The following ARHGAP10 variants were observed in gnomAD, a reference collection of about 807,000 sequenced individuals.
The protein encoded by ARHGAP10 is rho GTPase-activating protein 10.
Under a neutral mutation model 108.6 loss-of-function variants are expected in ARHGAP10, and 87 were observed. The ratio of observed to expected loss-of-function variants is 0.80; its 90% CI spans 0.67 to 0.96. The LOEUF (loss-of-function observed/expected upper bound fraction) is 0.96. ARHGAP10 is among the 40% of genes least tolerant of loss of function. ARHGAP10 has a pLI of 0.00. For missense variants in ARHGAP10, 939 were observed against 954.5 expected (o/e 0.98, Z 0.21); for synonymous variants, 347 against 341.1 (o/e 1.02, Z -0.19).
intron 19 of ARHGAP10, among the ~76,000 whole-genome samples, chr4:148,045,839 G>T (rs1250325833): frequency 6.6e-6 from 1 of 151,596 alleles, no homozygotes; most frequent in Non-Finnish European, 1.5e-5. Flanking sequence ...TTGTTTCTAG[G>T]ACCTGGGAGT....
chr4:147,769,801 C>T (rs1012726992), intron 1 of ARHGAP10, among the ~76,000 whole-genome samples: 19 of 152,132 alleles, frequency 1.2e-4, no homozygotes, highest in Non-Finnish European at 2.6e-4. Context: ...CCTGTTTTCT[C>T]CTGTACCCTG....
At chr4:147,828,925 TG>T (rs1732832798) in intron 3 of ARHGAP10, among the ~76,000 whole-genome samples, 1 of 151,490 alleles carries the variant, frequency 6.6e-6, no homozygotes, top group African/African-American at 2.4e-5. Context: ...TTGCCCAGGC[TG>T]GAGTACAGTG....
chr4:147,783,012 A>G (rs1358380285), intron 1 of ARHGAP10, among the ~76,000 whole-genome samples: 1 of 139,554 alleles, frequency 7.2e-6, no homozygotes, highest in East Asian at 2.0e-4. Flanking sequence ...TAAATTATAT[A>G]CTATATGTTA....
At chr4:147,974,285 T>G (rs898931056) in intron 18 of ARHGAP10, among the ~76,000 whole-genome samples, 19 of 152,158 alleles carry the variant, frequency 1.2e-4, no homozygotes, top group Non-Finnish European at 1.9e-4. Context: ...ATTAGTGGTG[T>G]TGTGAACATT....
At chr4:147,923,231 C>A (rs1480044537) in intron 13 of ARHGAP10, among the ~76,000 whole-genome samples, 1 of 152,122 alleles carries the variant, frequency 6.6e-6, no homozygotes, top group Non-Finnish European at 1.5e-5. Flanking sequence ...AAAAGTACAT[C>A]ATGTTATGTG....
chr4:147,785,922 A>G (rs1579045042), intron 1 of ARHGAP10, among the ~76,000 whole-genome samples: 1 of 152,256 alleles, frequency 6.6e-6, no homozygotes, highest in Admixed American at 6.5e-5. Context: ...CACCAAATAC[A>G]TTTTTCAAGT....
chr4:147,993,676 C>T (rs1243561350), intron 18 of ARHGAP10, among the ~76,000 whole-genome samples: 1 of 152,196 alleles, frequency 6.6e-6, no homozygotes, highest in Non-Finnish European at 1.5e-5. Context: ...CAGGTTAACA[C>T]CATTTCTGCA....
chr4:147,778,450 A>T (rs1730396670), intron 1 of ARHGAP10, among the ~76,000 whole-genome samples: 1 of 152,144 alleles, frequency 6.6e-6, no homozygotes, highest in African/African-American at 2.4e-5. Context: ...CTGCCTGCCA[A>T]GGGCACAGAG....
At chr4:147,862,975 A>G (rs2126841582) in intron 5 of ARHGAP10, 1 of 152,330 alleles carries the variant, frequency 6.6e-6, no homozygotes, top group South Asian at 2.1e-4. Flanking sequence ...TTCTCATTTT[A>G]GCTTAGTAAT....
Position 147,741,667 on chromosome 4 carries a change from G to T in ARHGAP10, c.154+9212G>T, listed in dbSNP as rs551969362. Among the ~76,000 whole-genome samples the T allele has an allele frequency of 1.1e-4, 17 of 151,928 alleles. No individual in the cohort carries two copies. The East Asian group carries it at 2.9e-3, about 26-fold the overall frequency. ...AGGGGGATGCTTTTGTATTGAGAAG[G>T]CCTTGATATTGTTCTCTTTATAAAC... On this transcript the variant is annotated intron_variant, in intron 1 of 22. Transcript: ENST00000336498.
intron 4 of ARHGAP10, among the ~76,000 whole-genome samples, chr4:147,855,712 G>A (rs1361164757): frequency 7.3e-6 from 1 of 137,708 alleles, no homozygotes; most frequent in African/African-American, 2.8e-5. Flanking sequence ...TTTAAGTTGT[G>A]CAGCTAGTTG....
rs181432594 is a variant in ARHGAP10, at chr4:147,895,160, G to A, written c.1035-11478G>A. On this transcript the variant is annotated intron_variant, in intron 10 of 22. Transcript: ENST00000336498. ...ACAGTTTTCAGCATAGAAGTCATGGGCATTTTTTTTTTGGTGTTAAATTTT... is the reference window on the plus strand; with the variant it reads ...ACAGTTTTCAGCATAGAAGTCATGGACATTTTTTTTTTGGTGTTAAATTTT... Among the ~76,000 whole-genome samples the A allele has an allele frequency of 1.4e-4, 21 of 151,678 alleles. No individual in the cohort carries two copies. The East Asian group carries it at 4.1e-3, about 29-fold the overall frequency.
In ARHGAP10 at chr4:148,046,949, C is replaced by A. The variant is rs1447375535; in HGVS notation, c.1925C>A (p.Ser642Tyr). Residue 642 changes from serine (S) to tyrosine (Y), a missense_variant, in exon 20 of 23, where the codon TCC (serine) becomes TAC (tyrosine). By Grantham distance (144) the Ser-to-Tyr change is moderately radical. Coordinates refer to ENST00000336498, the MANE Select transcript of ARHGAP10 (RefSeq NM_024605.4). Reference sequence around the variant, plus strand: ...CCTACCAGCAGTCTGGACTCACTTTCCTCCCCGTCTCCCGTGACTACAGCT... The same window carrying A: ...CCTACCAGCAGTCTGGACTCACTTTACTCCCCGTCTCCCGTGACTACAGCT... ...DTPTSSLDSL[S>Y]SPSPVTTAVP... is the part of the protein sequence containing the mutation. 2 of 1,614,068 alleles carry A rather than the reference C, an allele frequency of 1.2e-6. No individual in the cohort carries two copies. The highest frequency in any genetic ancestry group is 1.3e-5 in the African/African-American group (1 of 74,924).
chr4:147,796,863 A>G (rs936914299), intron 1 of ARHGAP10, among the ~76,000 whole-genome samples: 12 of 152,310 alleles, frequency 7.9e-5, no homozygotes, highest in Admixed American at 3.9e-4. Flanking sequence ...GGCCATAGTT[A>G]TAACATTCTA....
At chr4:147,959,583 G>C (rs1395077822) in intron 16 of ARHGAP10, among the ~76,000 whole-genome samples, 1 of 151,714 alleles carries the variant, frequency 6.6e-6, no homozygotes, top group Non-Finnish European at 1.5e-5. Flanking sequence ...TGTTCTCATT[G>C]TTCAATTCCC....
chr4:147,912,548 AATATATATAT>A (rs59663731), intron 12 of ARHGAP10, among the ~76,000 whole-genome samples: 9,270 of 119,406 alleles, frequency 0.078, 631 homozygotes, highest in East Asian at 0.1. Flanking sequence ...CAAACAAACA[AATATATATAT>A]ATATATATAT....
rs570993739 is a variant in ARHGAP10 at position 147,961,845 on chromosome 4, C to T, written c.1451-3179C>T. 9.9e-5 allele frequency among the ~76,000 whole-genome samples: 15 copies of T among 152,278 alleles called. 1 individual carries two copies. The South Asian group carries it at 1.7e-3, about 17-fold the overall frequency. On this transcript the variant is annotated intron_variant, in intron 16 of 22. Transcript: ENST00000336498. ...CCTTTGCAGATTTCTTCTCACTTGC[C>T]TTCCTGATGACATCGTACCTCCCTG...
intron 1 of ARHGAP10, among the ~76,000 whole-genome samples, chr4:147,798,775 CTCTCTCTA>C (rs1731448450): frequency 2.3e-4 from 1 of 4,362 alleles, no homozygotes; most frequent in African/African-American, 3.0e-4. Context: ...CTCTCTCTCT[CTCTCTCTA>C]TATATATATA....
chr4:148,004,721 G>A (rs1490227383), intron 18 of ARHGAP10, among the ~76,000 whole-genome samples: 1 of 152,166 alleles, frequency 6.6e-6, no homozygotes, highest in Non-Finnish European at 1.5e-5. Flanking sequence ...GAATGAGTTT[G>A]GAAGCAGATT....
Sources: gnomAD v4.1 joint callset for allele counts (sites outside exome capture counted in the v4.1 genomes callset) on GRCh38, gnomAD v4.1.1 for gene constraint, MANE v1.5 for transcripts, NCBI Gene and HGNC (gene_info 2026-07-23, HGNC 2026-07-21) for gene names.